Variants in CADM1 observed in about 807,000 individuals in gnomAD.
CADM1 encodes cell adhesion molecule 1, also known as TSLC-1.
In CADM1, 15 loss-of-function variants were observed where a neutral mutation model predicts 53.1. That is an observed-to-expected ratio of 0.28 (90% CI 0.19 to 0.44). The LOEUF (loss-of-function observed/expected upper bound fraction) is 0.44, where lower values mean the gene tolerates loss of function less well. Ranked by LOEUF, CADM1 falls within the 20% of genes least tolerant of loss-of-function variation. The pLI is 1.00. For synonymous variants in CADM1, 281 were observed against 243.0 expected (o/e 1.16, Z -1.45); for missense variants, 434 against 611.3 (o/e 0.71, Z 3.06).
intron 1 of CADM1, among the ~76,000 whole-genome samples, chr11:115,356,650 T>C (rs992800101): frequency 2.0e-5 from 3 of 152,198 alleles, no homozygotes; most frequent in Admixed American, 2.0e-4. Flanking sequence ...AAAGTAGCCC[T>C]TTCAACAGGG....
At chr11:115,370,443 A>C (rs1301993527) in intron 1 of CADM1, among the ~76,000 whole-genome samples, 1 of 152,158 alleles carries the variant, frequency 6.6e-6, no homozygotes, top group Non-Finnish European at 1.5e-5. Flanking sequence ...ACAAGGTTAT[A>C]AGGGTGAGGC....
At chr11:115,295,550 A>ATATTATATATATATGTATATTAT (rs371584699) in intron 1 of CADM1, among the ~76,000 whole-genome samples, 1 of 53,004 alleles carries the variant, frequency 1.9e-5, no homozygotes, top group African/African-American at 1.3e-4. Context: ...ATATATATAT[A>ATATTATATATATATGTATATTAT]ATATATATGT....
chr11:115,319,001 C>T (rs955914544), intron 1 of CADM1, among the ~76,000 whole-genome samples: 2 of 152,114 alleles, frequency 1.3e-5, no homozygotes, highest in Admixed American at 1.3e-4. Context: ...ATACTCAAAA[C>T]AATAGGATCT....
intron 1 of CADM1, among the ~76,000 whole-genome samples, chr11:115,372,116 T>C (rs1230761135): frequency 1.3e-5 from 2 of 152,168 alleles, no homozygotes; most frequent in Non-Finnish European, 2.9e-5. Flanking sequence ...AGATATCCCC[T>C]AGTAAGATCA....
intron 1 of CADM1, among the ~76,000 whole-genome samples, chr11:115,362,484 G>A (rs1190425204): frequency 6.6e-6 from 1 of 152,194 alleles, no homozygotes; most frequent in East Asian, 1.9e-4. Flanking sequence ...CAAGAGCACT[G>A]CGACCTAGTC....
chr11:115,303,349 T>C (rs930279616), intron 1 of CADM1, among the ~76,000 whole-genome samples: 1 of 152,032 alleles, frequency 6.6e-6, no homozygotes, highest in African/African-American at 2.4e-5. Context: ...CAGTAAGTCA[T>C]TGGCTGCCAC....
At chr11:115,316,819 A>G (rs1273953039) in intron 1 of CADM1, among the ~76,000 whole-genome samples, 1 of 152,190 alleles carries the variant, frequency 6.6e-6, no homozygotes, top group Non-Finnish European at 1.5e-5. Context: ...CATCTTTTAC[A>G]AGGAATAAAA....
chr11:115,238,133 A>G (rs1159186693), intron 3 of CADM1, among the ~76,000 whole-genome samples: 1 of 152,230 alleles, frequency 6.6e-6, no homozygotes, highest in Non-Finnish European at 1.5e-5. Flanking sequence ...GAGCTCTGCC[A>G]TGGGGTATAG....
At chr11:115,434,057 A>G (rs1948122089) in intron 1 of CADM1, among the ~76,000 whole-genome samples, 1 of 152,224 alleles carries the variant, frequency 6.6e-6, no homozygotes, top group Admixed American at 6.5e-5. Flanking sequence ...AATTTCCTCT[A>G]GTCTTCTGAA....
At chr11:115,201,941 ACT>A (rs766266270) in intron 8 of CADM1, among the ~76,000 whole-genome samples, 6 of 152,082 alleles carry the variant, frequency 3.9e-5, no homozygotes, top group African/African-American at 7.2e-5. Flanking sequence ...CTTAACAGTC[ACT>A]CTCTGGCTAT....
At chr11:115,333,809 C>T (rs1048283813) in intron 1 of CADM1, among the ~76,000 whole-genome samples, 8 of 152,140 alleles carry the variant, frequency 5.3e-5, no homozygotes, top group South Asian at 2.1e-4. Context: ...CAGTAGTTAG[C>T]GTATAGGCTC....
chr11:115,434,857 A>ATTTTTTT (rs1249528701), intron 1 of CADM1, among the ~76,000 whole-genome samples: 2 of 107,272 alleles, frequency 1.9e-5, no homozygotes, highest in Non-Finnish European at 4.8e-5. Context: ...TATTATTATT[A>ATTTTTTT]TTATTATTTT....
intron 1 of CADM1, among the ~76,000 whole-genome samples, chr11:115,326,811 C>T (rs115314319): frequency 0.012 from 1,840 of 152,204 alleles, 42 homozygotes; most frequent in African/African-American, 0.041. Flanking sequence ...CAAACGACTG[C>T]CTTTAAAACA....
At chr11:115,352,241 G>C (rs1316246359) in intron 1 of CADM1, among the ~76,000 whole-genome samples, 5 of 152,196 alleles carry the variant, frequency 3.3e-5, no homozygotes, top group Non-Finnish European at 7.3e-5. Flanking sequence ...GTGACGGAAA[G>C]TCTGTCCCAG....
At chr11:115,469,523 T>C (rs751529600) in intron 1 of CADM1, among the ~76,000 whole-genome samples, 1 of 152,190 alleles carries the variant, frequency 6.6e-6, no homozygotes, top group Non-Finnish European at 1.5e-5. Flanking sequence ...GGCAGTGCTT[T>C]AGGATGACAT....
intron 1 of CADM1, among the ~76,000 whole-genome samples, chr11:115,407,776 A>G (rs1204685273): frequency 6.8e-6 from 1 of 147,518 alleles, no homozygotes; most frequent in African/African-American, 2.5e-5. Context: ...AAGCCAAGGA[A>G]GGAGGGTCAC....
chr11:115,191,185 T>A, intron 9 of CADM1: 2 of 475,346 alleles, frequency 4.2e-6, no homozygotes, highest in East Asian at 3.5e-5. Flanking sequence ...AACATGAAGG[T>A]GAATGCTTAA....
intron 1 of CADM1, among the ~76,000 whole-genome samples, chr11:115,340,654 A>T (rs1190883742): frequency 0.28 from 14,297 of 51,550 alleles, 2,528 homozygotes; most frequent in Non-Finnish European, 0.36. Context: ...ATATATATAT[A>T]TATATTTTTT....
intron 1 of CADM1, among the ~76,000 whole-genome samples, chr11:115,319,286 TC>T (rs1205370451): frequency 6.6e-6 from 1 of 152,114 alleles, no homozygotes; most frequent in African/African-American, 2.4e-5. Context: ...CTCTTCTTTG[TC>T]TTTCCTGCTG....
Sources: allele counts gnomAD v4.1 joint callset (sites outside exome capture counted in the v4.1 genomes callset), GRCh38; gene constraint gnomAD v4.1.1; transcripts MANE v1.5; gene names NCBI Gene and HGNC (gene_info 2026-07-23, HGNC 2026-07-21).